The following SYN3 variants were observed in gnomAD, a reference collection of about 807,000 sequenced individuals.
The protein encoded by SYN3 is synapsin III.
A neutral mutation model predicts 65.8 loss-of-function variants in SYN3; 35 were observed. The observed-to-expected ratio is 0.53, with a 90% CI of 0.41 to 0.70. SYN3 has a LOEUF of 0.70. SYN3 is among the 30% of genes least tolerant of loss of function. The pLI, the probability that SYN3 is intolerant of heterozygous loss-of-function variation, is 0.00. For synonymous variants in SYN3, 270 were observed against 292.9 expected, an observed-to-expected ratio of 0.92 and a Z score of 0.80; for missense variants, 680 against 749.0, an observed-to-expected ratio of 0.91 and a Z score of 1.08.
rs137973893 is a variant in SYN3 at position 32,649,173 on chromosome 22, G to A, written c.712-52437C>T. On this transcript the variant is annotated intron_variant, in intron 6 of 13. Transcript: ENST00000358763. ...TTTGGCCAATGGGCTGGTAGCAAAC[G>A]TGACACAAACAGTGGCTTAAAATGT... Among the ~76,000 whole-genome samples, 737 of 152,270 alleles carry A rather than the reference G, an allele frequency of 4.8e-3. 1 individual carries two copies. The highest frequency in any genetic ancestry group is 8.7e-3 in the Non-Finnish European group (589 of 68,028).
intron 4 of SYN3, among the ~76,000 whole-genome samples, chr22:32,895,092 G>A (rs977923255): frequency 6.6e-6 from 1 of 152,232 alleles, no homozygotes; most frequent in African/African-American, 2.4e-5. Context: ...GATGTGTAGT[G>A]CATGGCTAAG....
intron 12 of SYN3, among the ~76,000 whole-genome samples, chr22:32,526,125 A>G (rs1007132510): frequency 2.0e-5 from 3 of 152,184 alleles, no homozygotes; most frequent in South Asian, 2.1e-4. Context: ...ACATAATGCT[A>G]TTGTACTTAA....
rs1011878965 is a variant in SYN3 at position 33,036,942 on chromosome 22, C to T, written c.-163+21350G>A. ...CTGACCTCAGGTGATCCGCCCACCT[C>T]GGCCTCCCAAAGTGCTGGGATTATA... On this transcript the variant is annotated intron_variant, in intron 1 of 13. Transcript: ENST00000358763. Among the ~76,000 whole-genome samples the T allele has an allele frequency of 6.6e-5, 10 of 152,088 alleles. 1 individual carries two copies. The highest frequency in any genetic ancestry group is 2.0e-4 in the Admixed American group (3 of 15,264).
chr22:32,868,068 C>T (rs2048736199), intron 5 of SYN3, among the ~76,000 whole-genome samples: 1 of 152,178 alleles, frequency 6.6e-6, no homozygotes. Flanking sequence ...TGAAGCTGAG[C>T]TTCCATCTCT....
intron 6 of SYN3, among the ~76,000 whole-genome samples, chr22:32,750,096 G>A (rs1044225838): frequency 3.1e-4 from 47 of 152,276 alleles, no homozygotes; most frequent in African/African-American, 9.9e-4. Flanking sequence ...CTAGAGACAC[G>A]GTGGTGAATA....
intron 4 of SYN3, among the ~76,000 whole-genome samples, chr22:32,890,689 C>A (rs906826786): frequency 3.3e-5 from 5 of 152,140 alleles, no homozygotes; most frequent in African/African-American, 4.8e-5. Context: ...CGATTTAGCA[C>A]ATTTTTAACC....
intron 6 of SYN3, among the ~76,000 whole-genome samples, chr22:32,602,489 G>A (rs774758140): frequency 1.4e-4 from 22 of 152,118 alleles, no homozygotes; most frequent in Non-Finnish European, 2.6e-4. Context: ...TGGAGACAGA[G>A]TCTTGCTCTG....
At chr22:32,822,697 A>C (rs1024959800) in intron 6 of SYN3, among the ~76,000 whole-genome samples, 11 of 152,162 alleles carry the variant, frequency 7.2e-5, no homozygotes, top group Admixed American at 1.3e-4. Context: ...CTAACCGCTA[A>C]GGTGTCATCA....
At chr22:32,610,291 C>A (rs182935177) in intron 6 of SYN3, among the ~76,000 whole-genome samples, 8 of 151,816 alleles carry the variant, frequency 5.3e-5, no homozygotes, top group African/African-American at 9.7e-5. Context: ...CCTGCCCCCC[C>A]CAAAAAAAGA....
intron 6 of SYN3, among the ~76,000 whole-genome samples, chr22:32,802,462 G>T (rs1408206767): frequency 6.6e-6 from 1 of 151,958 alleles, no homozygotes; most frequent in African/African-American, 2.4e-5. Flanking sequence ...GTGGGGAAAG[G>T]GTTCCCAAAA....
intron 6 of SYN3, among the ~76,000 whole-genome samples, chr22:32,723,152 G>T (rs1057048437): frequency 6.6e-6 from 1 of 152,184 alleles, no homozygotes; most frequent in Non-Finnish European, 1.5e-5. Flanking sequence ...GCCATCTGCC[G>T]CCAGAAAGGT....
In SYN3 at chr22:33,035,583, CT is replaced by C. The variant is rs1409682348; in HGVS notation, c.-163+22708del. ...TTAGGTCTACGATCTAAATCAAGGT[CT>C]TTATTTTTATTTGAGACACGGTCTT... On this transcript the variant is annotated intron_variant, in intron 1 of 13. Coordinates refer to ENST00000358763, the MANE Select transcript of SYN3 (RefSeq NM_003490.4). 2.6e-5 allele frequency among the ~76,000 whole-genome samples: 4 copies of C among 152,080 alleles called. No homozygotes were observed. In the East Asian group the frequency reaches 7.7e-4, roughly 29 times the overall value.
intron 4 of SYN3, among the ~76,000 whole-genome samples, chr22:32,902,074 C>T (rs978202572): frequency 1.3e-5 from 2 of 152,194 alleles, no homozygotes; most frequent in Non-Finnish European, 2.9e-5. Flanking sequence ...CAGAAGACCC[C>T]CAACTCTACA....
intron 1 of SYN3, among the ~76,000 whole-genome samples, chr22:33,052,388 CCTCCTCCTCCTCCTCTTCTTT>C (rs1414071187): frequency 6.6e-5 from 10 of 151,958 alleles, no homozygotes; most frequent in Non-Finnish European, 1.2e-4. Context: ...TCTAAAGAAT[CCTCCTCCTCCTCCTCTTCTTT>C]CTCCTCCTCC....
intron 4 of SYN3, among the ~76,000 whole-genome samples, chr22:32,886,576 C>T (rs560854276): frequency 2.4e-4 from 36 of 152,272 alleles, no homozygotes; most frequent in Middle Eastern, 3.4e-3. Context: ...CCATTTGAAA[C>T]GTAGTTTGAT....
At chr22:32,519,404 A>G (rs2057838089) in intron 12 of SYN3, 1 of 152,138 alleles carries the variant, frequency 6.6e-6, no homozygotes, top group Non-Finnish European at 1.5e-5. Context: ...GTTGCTCTCT[A>G]AACTTTTCCA....
At chr22:32,907,736 C>A (rs1432673977) in intron 4 of SYN3, among the ~76,000 whole-genome samples, 1 of 152,116 alleles carries the variant, frequency 6.6e-6, no homozygotes, top group African/African-American at 2.4e-5. Flanking sequence ...TACTAAAAAC[C>A]TTGCTCTAAT....
chr22:32,927,307 A>T (rs1460359410), intron 4 of SYN3, among the ~76,000 whole-genome samples: 1 of 147,342 alleles, frequency 6.8e-6, no homozygotes, highest in Non-Finnish European at 1.5e-5. Flanking sequence ...TCTGTCACCC[A>T]GGCTAAAGTG....
At chr22:32,518,476 AC>A in intron 12 of SYN3, 142 bp from the exon 13 acceptor site, 1 of 959,614 alleles carries the variant, frequency 1.0e-6, no homozygotes, top group Non-Finnish European at 1.6e-6. Context: ...TAAATACCTA[AC>A]CATAAGGAAG....
Sources: gnomAD v4.1 joint callset for allele counts (sites outside exome capture counted in the v4.1 genomes callset) on GRCh38, gnomAD v4.1.1 for gene constraint, MANE v1.5 for transcripts, NCBI Gene and HGNC (gene_info 2026-07-23, HGNC 2026-07-21) for gene names.